ZNF704: variants seen among roughly 807,000 people sequenced by gnomAD.
ZNF704 encodes zinc finger protein 704.
In ZNF704, 10 loss-of-function variants were observed where a neutral mutation model predicts 44.7. The ratio of observed to expected loss-of-function variants is 0.22; its 90% CI spans 0.14 to 0.38. The LOEUF is 0.38. Among genes scored for constraint, ZNF704 ranks in the 10% least tolerant of loss-of-function variants. The probability of loss-of-function intolerance (pLI) is 1.00; values close to 1 mark genes in which losing one functional copy is unlikely to be tolerated. For synonymous variants in ZNF704, 211 were observed against 207.6 expected (o/e 1.02, Z -0.14); for missense variants, 390 against 545.5 (o/e 0.71, Z 2.84).
rs149979462 is a variant in ZNF704, at chr8:80,805,482, A to G, written c.221+15892T>C. Among the ~76,000 whole-genome samples the G allele has an allele frequency of 1.2e-3, 185 of 152,312 alleles. 2 individuals are homozygous for G. The South Asian group carries it at 0.023, about 19-fold the overall frequency. On this transcript the variant is annotated intron_variant, in intron 2 of 8. Coordinates refer to ENST00000327835, the MANE Select transcript of ZNF704 (RefSeq NM_001033723.3). ...AACATCTTTTCTTAGATAACAGGAA[A>G]CATTACTTGGGAATAATTTCACTTA... is the stretch of plus-strand genomic sequence containing the variant.
chr8:80,860,395 G>C (rs942902919), intron 1 of ZNF704, among the ~76,000 whole-genome samples: 1 of 152,182 alleles, frequency 6.6e-6, no homozygotes, highest in Non-Finnish European at 1.5e-5. Context: ...ACCCCTTCTA[G>C]CTTTTAGATA....
the ZNF704 span, among the ~76,000 whole-genome samples, chr8:80,883,430 T>G: frequency 6.6e-6 from 1 of 152,196 alleles, no homozygotes; most frequent in African/African-American, 2.4e-5. Context: ...GGAAATGGTC[T>G]ATATCTGTGC....
Position 80,695,746 on chromosome 8 carries a change from G to A in ZNF704, c.222-2639C>T, listed in dbSNP as rs116774586. 9.1e-3 allele frequency among the ~76,000 whole-genome samples: 1,382 copies of A among 152,208 alleles called. 21 individuals carry two copies. The highest frequency in any genetic ancestry group is 0.03 in the African/African-American group (1,246 of 41,500). On this transcript the variant is annotated intron_variant, in intron 2 of 8. Transcript: ENST00000327835. ...AAAATATACATTTATTTTGCATTGC[G>A]AAAATCTACCACATTTCAAAATAAT...
At chr8:80,780,166 G>C (rs1396853970) in intron 2 of ZNF704, among the ~76,000 whole-genome samples, 2 of 152,142 alleles carry the variant, frequency 1.3e-5, no homozygotes, top group African/African-American at 2.4e-5. Context: ...ACGGCAAGTG[G>C]CACAGTGTGG....
chr8:80,826,816 A>G (rs571461367), intron 1 of ZNF704, among the ~76,000 whole-genome samples: 9 of 152,326 alleles, frequency 5.9e-5, no homozygotes, highest in Admixed American at 3.9e-4. Flanking sequence ...AGAACCAAAG[A>G]AAAAAACCAC....
At chr8:80,739,945 C>T (rs1053383782) in intron 2 of ZNF704, among the ~76,000 whole-genome samples, 3 of 152,070 alleles carry the variant, frequency 2.0e-5, no homozygotes, top group African/African-American at 4.8e-5. Context: ...TGAGGGTGCC[C>T]GGGCCAAGTG....
At position 80,733,207 on chromosome 8, in the gene ZNF704, C is replaced by T. The variant is rs538625586; in HGVS notation, c.222-40100G>A. Among the ~76,000 whole-genome samples the T allele has an allele frequency of 3.3e-5, 5 of 152,056 alleles. No individual in the cohort carries two copies. The East Asian group carries it at 7.7e-4, about 23-fold the overall frequency. On this transcript the variant is annotated intron_variant, in intron 2 of 8. Transcript: ENST00000327835. ...TAAAATTCCCAGTCTTTTTTAATCT[C>T]ATAGAACATATTAAACATTTTTAAA...
intron 1 of ZNF704, among the ~76,000 whole-genome samples, chr8:80,870,404 C>T (rs908858470): frequency 6.6e-6 from 1 of 152,198 alleles, no homozygotes; most frequent in Non-Finnish European, 1.5e-5. Flanking sequence ...TCTGTCCACA[C>T]CTCTCATCGG....
At chr8:80,825,480 G>A (rs556887942) in intron 1 of ZNF704, among the ~76,000 whole-genome samples, 1 of 152,146 alleles carries the variant, frequency 6.6e-6, no homozygotes, top group South Asian at 2.1e-4. Flanking sequence ...AATAATGGGA[G>A]ACTTTAACAC....
At chr8:80,861,037 C>G (rs1320524947) in intron 1 of ZNF704, among the ~76,000 whole-genome samples, 1 of 152,184 alleles carries the variant, frequency 6.6e-6, no homozygotes, top group Non-Finnish European at 1.5e-5. Context: ...CAAATTCACT[C>G]AGGGACTCTT....
chr8:80,793,255 C>T (rs1807742565), intron 2 of ZNF704, among the ~76,000 whole-genome samples: 1 of 152,114 alleles, frequency 6.6e-6, no homozygotes, highest in Admixed American at 6.5e-5. Flanking sequence ...GACATGGGAA[C>T]ACGGGAGAAA....
At chr8:80,644,302 G>A (rs150285648) in intron 7 of ZNF704, among the ~76,000 whole-genome samples, 2 of 152,104 alleles carry the variant, frequency 1.3e-5, no homozygotes, top group Non-Finnish European at 2.9e-5. Context: ...AGTCATAGAG[G>A]AGGGCCCCTA....
At chr8:80,736,754 T>C (rs111314634) in intron 2 of ZNF704, among the ~76,000 whole-genome samples, 7,207 of 152,206 alleles carry the variant, frequency 0.047, 236 homozygotes, top group Middle Eastern at 0.11. Flanking sequence ...TGTACACTGC[T>C]TGGGTAATGA....
At chr8:80,703,219 T>G (rs1030642732) in intron 2 of ZNF704, among the ~76,000 whole-genome samples, 1 of 152,016 alleles carries the variant, frequency 6.6e-6, no homozygotes, top group African/African-American at 2.4e-5. Flanking sequence ...CTCCTCTCCA[T>G]ACCTGTGAAT....
intron 7 of ZNF704, among the ~76,000 whole-genome samples, chr8:80,647,128 G>A (rs567752054): frequency 7.9e-5 from 12 of 152,318 alleles, no homozygotes; most frequent in African/African-American, 2.9e-4. Flanking sequence ...CAAATTCTCT[G>A]CCCTCATGGA....
intron 4 of ZNF704, 142 bp downstream of exon 4, chr8:80,687,084 G>C (rs1161032210): frequency 1.5e-6 from 1 of 682,908 alleles, no homozygotes; most frequent in African/African-American, 1.8e-5. Flanking sequence ...CAAACTTCAA[G>C]AACATTAAAG....
At chr8:80,819,161 T>C (rs1395886793) in intron 2 of ZNF704, among the ~76,000 whole-genome samples, 1 of 152,156 alleles carries the variant, frequency 6.6e-6, no homozygotes, top group African/African-American at 2.4e-5. Context: ...TGGGGGATTT[T>C]TGCTGTGCAT....
intron 1 of ZNF704, among the ~76,000 whole-genome samples, chr8:80,830,947 G>C (rs1349991869): frequency 6.6e-6 from 1 of 151,744 alleles, no homozygotes; most frequent in Non-Finnish European, 1.5e-5. Context: ...GTACAGACAA[G>C]GTTTCACTGT....
intron 2 of ZNF704, among the ~76,000 whole-genome samples, chr8:80,717,616 T>G (rs1179331859): frequency 6.6e-6 from 1 of 152,256 alleles, no homozygotes; most frequent in African/African-American, 2.4e-5. Flanking sequence ...CTGCAAGTTC[T>G]TGCCAATGCA....
Sources: gnomAD v4.1 joint callset for allele counts (sites outside exome capture counted in the v4.1 genomes callset) on GRCh38, gnomAD v4.1.1 for gene constraint, MANE v1.5 for transcripts, NCBI Gene and HGNC (gene_info 2026-07-23, HGNC 2026-07-21) for gene names.